Variants in DPP10 observed in about 807,000 individuals in gnomAD.
The protein encoded by DPP10 is dipeptidyl peptidase like 10.
A neutral mutation model predicts 120.9 loss-of-function variants in DPP10; 33 were observed. That is an observed-to-expected ratio of 0.27 (90% CI 0.21 to 0.37). The LOEUF is 0.37. Ranked by LOEUF, DPP10 falls within the 10% of genes least tolerant of loss-of-function variation. The probability of loss-of-function intolerance (pLI) is 1.00; values close to 1 mark genes in which losing one functional copy is unlikely to be tolerated. For synonymous variants in DPP10, 337 were observed against 326.1 expected (o/e 1.03, Z -0.36); for missense variants, 816 against 942.8 (o/e 0.87, Z 1.76).
At chr2:115,097,256 T>G (rs1210441713) in intron 1 of DPP10, among the ~76,000 whole-genome samples, 5 of 152,180 alleles carry the variant, frequency 3.3e-5, no homozygotes, top group Non-Finnish European at 5.9e-5. Context: ...ATAAATGCTC[T>G]TCTAACCTCA....
chr2:115,826,010 T>A (rs1688273406), intron 21 of DPP10, among the ~76,000 whole-genome samples: 1 of 152,176 alleles, frequency 6.6e-6, no homozygotes, highest in African/African-American at 2.4e-5. Flanking sequence ...AGTTGAAAAA[T>A]AACTGGTAGC....
chr2:114,594,686 A>G (rs1425529300), intron 1 of DPP10, among the ~76,000 whole-genome samples: 1 of 151,704 alleles, frequency 6.6e-6, no homozygotes, highest in East Asian at 1.9e-4. Context: ...GACTGCAAAA[A>G]GATTGAAGGA....
chr2:115,374,169 A>T (rs13005750), intron 3 of DPP10, among the ~76,000 whole-genome samples: 1 of 151,950 alleles, frequency 6.6e-6, no homozygotes, highest in African/African-American at 2.4e-5. Context: ...ACAATCCCCC[A>T]GTGTCTTAAC....
At chr2:115,032,911 G>A (rs1001080225) in intron 1 of DPP10, among the ~76,000 whole-genome samples, 1 of 151,082 alleles carries the variant, frequency 6.6e-6, no homozygotes, top group Non-Finnish European at 1.5e-5. Flanking sequence ...AGAAGAAGAA[G>A]AAGAAGAATA....
rs916028290 is a variant in DPP10, at chr2:114,847,331, C to G, written c.60+404493C>G. Among the ~76,000 whole-genome samples, 9 of 152,156 alleles carry G rather than the reference C, an allele frequency of 5.9e-5. 1 individual carries two copies. Among genetic ancestry groups the G allele is most frequent in the African/African-American group, 1.9e-4 (8 of 41,436 alleles). On this transcript the variant is annotated intron_variant, in intron 1 of 25. Coordinates refer to ENST00000410059, the MANE Select transcript of DPP10 (RefSeq NM_020868.6). Reference sequence around the variant, plus strand: ...ATCTTCTCCTGTCCATGTTCCTAAACTTCCAGTTCAGCAATCATGCTTGAC... The same window carrying G: ...ATCTTCTCCTGTCCATGTTCCTAAAGTTCCAGTTCAGCAATCATGCTTGAC...
At chr2:115,223,621 T>C (rs2105435021) in intron 1 of DPP10, among the ~76,000 whole-genome samples, 1 of 152,020 alleles carries the variant, frequency 6.6e-6, no homozygotes, top group African/African-American at 2.4e-5. Context: ...AACAAAAATA[T>C]GAAATAAACA....
chr2:115,344,763 G>A (rs548800128), intron 3 of DPP10, among the ~76,000 whole-genome samples: 3 of 152,232 alleles, frequency 2.0e-5, no homozygotes, highest in Admixed American at 2.0e-4. Context: ...CCAACCATAC[G>A]AATCATTATG....
chr2:114,520,195 T>A (rs771145594), intron 1 of DPP10, among the ~76,000 whole-genome samples: 7 of 152,250 alleles, frequency 4.6e-5, no homozygotes, highest in Non-Finnish European at 8.8e-5. Flanking sequence ...ATCATCAAGT[T>A]CCTTGAAACT....
intron 3 of DPP10, among the ~76,000 whole-genome samples, chr2:115,448,961 C>G (rs1389832966): frequency 1.3e-5 from 2 of 151,956 alleles, no homozygotes; most frequent in African/African-American, 2.4e-5. Flanking sequence ...TCTCTCATAC[C>G]TAGAATAGTT....
At chr2:115,220,161 A>C (rs904158529) in intron 1 of DPP10, among the ~76,000 whole-genome samples, 1 of 151,958 alleles carries the variant, frequency 6.6e-6, no homozygotes, top group East Asian at 1.9e-4. Flanking sequence ...ATTGGAGCAG[A>C]GTTACTGTTC....
chr2:114,458,543 A>T (rs984179411), intron 1 of DPP10, among the ~76,000 whole-genome samples: 5 of 152,188 alleles, frequency 3.3e-5, no homozygotes, highest in African/African-American at 1.2e-4. Flanking sequence ...AGGCAATATT[A>T]TATCCTTGCT....
rs150247273 is a variant in DPP10, at chr2:115,036,223, C to T, written c.61-273016C>T. 8.7e-3 allele frequency among the ~76,000 whole-genome samples: 1,318 copies of T among 152,270 alleles called. 11 individuals carry two copies. Among genetic ancestry groups the T allele is most frequent in the Non-Finnish European group, 0.013 (882 of 68,014 alleles). ...TGTAAAATCATCAGATCTCATGAGA[C>T]TCACTCACTATCACGAGGACAGCAT... On this transcript the variant is annotated intron_variant, in intron 1 of 25. Transcript: ENST00000410059.
rs142805394 is a variant in DPP10, at chr2:115,117,171, C to T, written c.61-192068C>T. ...GCACTCAATTAGTATCTGGTGATTG[C>T]TTGCTTAATGTTTGACCAGGACAAA... On this transcript the variant is annotated intron_variant, in intron 1 of 25. Transcript: ENST00000410059. 2.0e-5 allele frequency among the ~76,000 whole-genome samples: 3 copies of T among 152,278 alleles called. No individual in the cohort carries two copies. In the East Asian group the frequency reaches 5.8e-4, roughly 29 times the overall value.
At chr2:115,713,229 T>C (rs1308140944) in intron 7 of DPP10, among the ~76,000 whole-genome samples, 3 of 152,016 alleles carry the variant, frequency 2.0e-5, no homozygotes, top group East Asian at 1.9e-4. Context: ...CAGCTGGAAA[T>C]TGAGTCATAA....
At chr2:115,306,384 C>T (rs565084493) in intron 1 of DPP10, among the ~76,000 whole-genome samples, 3 of 152,038 alleles carry the variant, frequency 2.0e-5, no homozygotes, top group South Asian at 4.2e-4. Flanking sequence ...CTGAGGCAAA[C>T]GTAAGGAAAT....
chr2:115,275,717 T>TTG (rs59887377), intron 1 of DPP10, among the ~76,000 whole-genome samples: 1 of 142,442 alleles, frequency 7.0e-6, no homozygotes, highest in Non-Finnish European at 1.5e-5. Flanking sequence ...TTTTTTTTTT[T>TTG]GAGACGGAGT....
At chr2:115,491,152 CA>C (rs1031440143) in intron 3 of DPP10, among the ~76,000 whole-genome samples, 2 of 151,942 alleles carry the variant, frequency 1.3e-5, no homozygotes, top group Non-Finnish European at 2.9e-5. Flanking sequence ...AAACCTCCCC[CA>C]AAAAACCCAT....
intron 2 of DPP10, among the ~76,000 whole-genome samples, chr2:115,341,124 C>T (rs1003070782): frequency 6.6e-6 from 1 of 152,096 alleles, no homozygotes. Context: ...AAGCTGAATT[C>T]TGGAATTAAG....
chr2:115,402,483 G>T (rs945756117), intron 3 of DPP10, among the ~76,000 whole-genome samples: 2 of 151,966 alleles, frequency 1.3e-5, no homozygotes, highest in Non-Finnish European at 2.9e-5. Context: ...ACTAAAATAC[G>T]AAGAATCATA....
Sources: gnomAD v4.1 joint callset for allele counts (sites outside exome capture counted in the v4.1 genomes callset) on GRCh38, gnomAD v4.1.1 for gene constraint, MANE v1.5 for transcripts, NCBI Gene and HGNC (gene_info 2026-07-23, HGNC 2026-07-21) for gene names.